Variants in CSMD1 observed in about 807,000 individuals in gnomAD.
CSMD1 encodes the protein CUB and Sushi multiple domains 1.
CSMD1 carries 213 observed loss-of-function variants against 417.5 expected under a neutral mutation model. That is an observed-to-expected ratio of 0.51 (90% CI 0.46 to 0.57). CSMD1 has a LOEUF of 0.57. Ranked by LOEUF, CSMD1 falls within the 20% of genes least tolerant of loss-of-function variation. The probability of loss-of-function intolerance (pLI) is 0.00; values close to 1 mark genes in which losing one functional copy is unlikely to be tolerated. For synonymous variants in CSMD1, 2,862 were observed against 1,736.8 expected (o/e 1.65, Z -16.11); for missense variants, 6,923 against 4,529.7 (o/e 1.53, Z -15.17).
intron 3 of CSMD1, among the ~76,000 whole-genome samples, chr8:4,126,270 G>T (rs1032387567): frequency 6.6e-6 from 1 of 152,166 alleles, no homozygotes; most frequent in East Asian, 1.9e-4. Flanking sequence ...GGCTCTGCAT[G>T]AATCACTCTT....
chr8:4,352,104 A>T (rs1448313436), intron 3 of CSMD1, among the ~76,000 whole-genome samples: 1 of 152,172 alleles, frequency 6.6e-6, no homozygotes, highest in Admixed American at 6.5e-5. Flanking sequence ...AATACTTTGT[A>T]AATTAGAGAA....
At chr8:4,899,573 AC>A (rs1368259647) in intron 1 of CSMD1, among the ~76,000 whole-genome samples, 1 of 152,202 alleles carries the variant, frequency 6.6e-6, no homozygotes, top group Non-Finnish European at 1.5e-5. Context: ...TGATCTGGAC[AC>A]TGAAAGTCAA....
intron 2 of CSMD1, among the ~76,000 whole-genome samples, chr8:4,554,545 T>C (rs1253195537): frequency 6.6e-6 from 1 of 152,150 alleles, no homozygotes; most frequent in Non-Finnish European, 1.5e-5. Context: ...GTGATAATAG[T>C]TGAGTTGTAT....
intron 1 of CSMD1, among the ~76,000 whole-genome samples, chr8:4,869,234 C>A (rs555554015): frequency 6.6e-6 from 1 of 152,058 alleles, no homozygotes; most frequent in South Asian, 2.1e-4. Context: ...AGAAAAGCAT[C>A]TGTGTGGCTA....
intron 51 of CSMD1, 135 bp from the exon 52 acceptor site, chr8:3,018,785 G>T (rs1809095917): frequency 2.6e-6 from 2 of 763,340 alleles, no homozygotes; most frequent in Admixed American, 2.8e-5. Flanking sequence ...GAACATGGTT[G>T]AGAGTGTCTG....
At chr8:3,659,657 A>G (rs1215843106) in intron 7 of CSMD1, among the ~76,000 whole-genome samples, 2 of 152,216 alleles carry the variant, frequency 1.3e-5, no homozygotes, top group African/African-American at 4.8e-5. Flanking sequence ...GCAGATAACA[A>G]GAAAATACTG....
intron 3 of CSMD1, among the ~76,000 whole-genome samples, chr8:4,233,481 G>A (rs186575940): frequency 5.3e-5 from 8 of 152,200 alleles, no homozygotes; most frequent in Non-Finnish European, 1.2e-4. Flanking sequence ...TGATTAGGAA[G>A]AAGGAGCTTT....
At chr8:4,618,895 T>C (rs903998150) in intron 2 of CSMD1, among the ~76,000 whole-genome samples, 1 of 152,124 alleles carries the variant, frequency 6.6e-6, no homozygotes, top group African/African-American at 2.4e-5. Context: ...ATAGACAGAG[T>C]GGGCTCTAGC....
chr8:4,774,899 C>A (rs1301733987), intron 1 of CSMD1, among the ~76,000 whole-genome samples: 1 of 152,126 alleles, frequency 6.6e-6, no homozygotes, highest in Non-Finnish European at 1.5e-5. Context: ...GAGGCCTCCG[C>A]AGAAGCCAGG....
intron 2 of CSMD1, among the ~76,000 whole-genome samples, chr8:4,573,301 T>G (rs1164287339): frequency 6.6e-6 from 1 of 152,204 alleles, no homozygotes; most frequent in East Asian, 1.9e-4. Flanking sequence ...GGATGGGATT[T>G]TCGCATGGGC....
chr8:3,829,123 C>A (rs1376474256), intron 5 of CSMD1, among the ~76,000 whole-genome samples: 1 of 151,908 alleles, frequency 6.6e-6, no homozygotes, highest in African/African-American at 2.4e-5. Context: ...CCTGGTGCAC[C>A]CATCACCCAA....
intron 37 of CSMD1, among the ~76,000 whole-genome samples, chr8:3,175,487 G>T (rs180887145): frequency 0.071 from 3,260 of 46,184 alleles, 63 homozygotes; most frequent in East Asian, 0.13. Flanking sequence ...CTTCCTTCCT[G>T]CCTGCCTGCC....
At chr8:2,991,101 T>C (rs796147464) in intron 54 of CSMD1, among the ~76,000 whole-genome samples, 16 of 152,364 alleles carry the variant, frequency 1.1e-4, no homozygotes, top group African/African-American at 3.8e-4. Context: ...ATACATCATC[T>C]AAAAGGTGAT....
At chr8:4,306,683 G>A (rs541221896) in intron 3 of CSMD1, among the ~76,000 whole-genome samples, 103 of 152,112 alleles carry the variant, frequency 6.8e-4, no homozygotes, top group Non-Finnish European at 1.4e-3. Context: ...CAATTCACAT[G>A]CTCTCCTCTT....
rs1202853097 is a variant in CSMD1 at position 3,789,180 on chromosome 8, G to A, written c.819-35138C>T. On this transcript the variant is annotated intron_variant, in intron 5 of 69. Coordinates refer to ENST00000635120, the MANE Select transcript of CSMD1 (RefSeq NM_033225.6). ...AGCTTCCTTGACCTTTCCACTATGT[G>A]AGGATCCAACATGAAAGCGCTGTGT... Among the ~76,000 whole-genome samples, 4 of 152,074 alleles carry A rather than the reference G, an allele frequency of 2.6e-5. No individual in the cohort carries two copies. The East Asian group carries it at 5.8e-4, about 22-fold the overall frequency.
In CSMD1 at chr8:4,763,128, C is replaced by G. The variant is rs934057702; in HGVS notation, c.86-125570G>C. Among the ~76,000 whole-genome samples, 3 of 152,156 alleles carry G rather than the reference C, an allele frequency of 2.0e-5. No homozygotes were observed. In the East Asian group the frequency reaches 5.8e-4, roughly 29 times the overall value. The stretch of plus-strand genomic sequence containing the variant: ...CAAACTCAGCATGAAGTTACAAAGA[C>G]GAAGAGGTTAATACAGGAAATAAAA... On this transcript the variant is annotated intron_variant, in intron 1 of 69. Coordinates refer to ENST00000635120, the MANE Select transcript of CSMD1 (RefSeq NM_033225.6).
At chr8:4,573,332 C>T (rs574402634) in intron 2 of CSMD1, among the ~76,000 whole-genome samples, 19 of 152,212 alleles carry the variant, frequency 1.2e-4, no homozygotes, top group East Asian at 1.2e-3. Context: ...TTAATGTTGA[C>T]GCTATTCCTC....
At chr8:4,036,666 G>C (rs377296949) in intron 3 of CSMD1, among the ~76,000 whole-genome samples, 4 of 152,206 alleles carry the variant, frequency 2.6e-5, no homozygotes, top group East Asian at 3.8e-4. Flanking sequence ...GAGCATGCCT[G>C]TTCTTTTCAT....
intron 5 of CSMD1, among the ~76,000 whole-genome samples, chr8:3,962,939 G>C (rs1812426856): frequency 6.6e-6 from 1 of 152,070 alleles, no homozygotes; most frequent in Admixed American, 6.6e-5. Context: ...CTCAGTTTTT[G>C]TTTCGTTTTG....
Sources: gnomAD v4.1 joint callset for allele counts (sites outside exome capture counted in the v4.1 genomes callset) on GRCh38, gnomAD v4.1.1 for gene constraint, MANE v1.5 for transcripts, NCBI Gene and HGNC (gene_info 2026-07-23, HGNC 2026-07-21) for gene names.